Variants in SYNJ2 observed in about 807,000 individuals in gnomAD.
The protein encoded by SYNJ2 is polyphosphatidylinositol phosphatase SYNJ2.
Under a neutral mutation model 141.3 loss-of-function variants are expected in SYNJ2, and 116 were observed. The ratio of observed to expected loss-of-function variants is 0.82; its 90% CI spans 0.71 to 0.96. The LOEUF (loss-of-function observed/expected upper bound fraction) is 0.96, where lower values mean the gene tolerates loss of function less well. Among genes scored for constraint, SYNJ2 ranks in the 40% least tolerant of loss-of-function variants. SYNJ2 has a pLI of 0.00. For synonymous variants in SYNJ2, 745 were observed against 777.7 expected (o/e 0.96, Z 0.70); for missense variants, 1,873 against 1,934.8 (o/e 0.97, Z 0.60).
chr6:158,021,177 T>G (rs569813668), intron 2 of SYNJ2, among the ~76,000 whole-genome samples: 22 of 152,310 alleles, frequency 1.4e-4, no homozygotes, highest in African/African-American at 5.1e-4. Context: ...GGGACTCTAC[T>G]CCTATCCCAG....
intron 1 of SYNJ2, among the ~76,000 whole-genome samples, chr6:158,015,706 G>T (rs1010593510): frequency 1.3e-5 from 2 of 152,070 alleles, no homozygotes; most frequent in African/African-American, 4.8e-5. Flanking sequence ...AATTAAGGTG[G>T]TTAATAGACC....
chr6:158,022,119 C>T (rs950488354), intron 2 of SYNJ2, among the ~76,000 whole-genome samples: 4 of 152,142 alleles, frequency 2.6e-5, no homozygotes, highest in Admixed American at 6.5e-5. Flanking sequence ...CTGCGGGTGG[C>T]GGGGGAGGCT....
At chr6:157,997,028 C>CT (rs1562312926) in intron 1 of SYNJ2, among the ~76,000 whole-genome samples, 1 of 137,800 alleles carries the variant, frequency 7.3e-6, no homozygotes, top group African/African-American at 2.8e-5. Context: ...ACCTACCCCA[C>CT]CCCCCCCCAC....
chr6:158,085,528 G>T (rs1430941026), intron 22 of SYNJ2, among the ~76,000 whole-genome samples: 2 of 152,202 alleles, frequency 1.3e-5, no homozygotes, highest in Admixed American at 1.3e-4. Flanking sequence ...TTGAGCTGGG[G>T]CTGAGAGCAG....
At chr6:158,037,292 CCAT>C (rs35121270) in intron 4 of SYNJ2, among the ~76,000 whole-genome samples, 54,031 of 151,410 alleles carry the variant, frequency 0.36, 9,791 homozygotes, top group Middle Eastern at 0.48. Context: ...AAGCATCTCT[CCAT>C]CATCTCTGCC....
chr6:158,086,702 G>A (rs1421276467), intron 22 of SYNJ2, among the ~76,000 whole-genome samples, 153 bp from the exon 23 acceptor site: 1 of 55,512 alleles, frequency 1.8e-5, no homozygotes, highest in African/African-American at 7.3e-5. Flanking sequence ...CCCGCCCCTC[G>A]CCGGCAGACA....
Position 158,093,746 on chromosome 6 carries a change from G to C in SYNJ2, c.3744+642G>C, listed in dbSNP as rs1384806553. On this transcript the variant is annotated intron_variant, in intron 26 of 26. Coordinates refer to ENST00000355585, the MANE Select transcript of SYNJ2 (RefSeq NM_003898.4). ...CCACATGTTCTGGTACCGCCCATTT[G>C]CGTGTGGTCTGTGTTGTGTGCACAT... The C allele has an allele frequency of 1.6e-5, 10 of 619,224 alleles. No individual in the cohort carries two copies. The Admixed American group carries it at 2.6e-4, about 16-fold the overall frequency. The allele number at this position is 619,224 out of a possible 1,614,324, so 38.4% of individuals were successfully genotyped here. A position where few individuals can be genotyped will look rare whatever the true frequency, so the allele number is the denominator to read the frequency against.
In SYNJ2 at chr6:158,081,318, T is replaced by C; in HGVS notation, c.2777T>C (p.Val926Ala). The change falls in exon 19 of 27, where the codon GTT (valine) becomes GCT (alanine). Residue 926 changes from valine (V) to alanine (A), a missense_variant. Val to Ala is a moderately conservative substitution (Grantham distance 64). Coordinates refer to ENST00000355585, the MANE Select transcript of SYNJ2 (RefSeq NM_003898.4). ...MQTLGSYGTIVLVRINQGQML... is the reference protein window; with the variant it reads ...MQTLGSYGTIALVRINQGQML... ...ACCTTGGGGAGTTATGGGACAATTG[T>C]TCTTGTCAGGTAACTGCTCCCCTGG... 3.1e-6 allele frequency: 5 copies of C among 1,614,096 alleles called. No individual in the cohort carries two copies. Among genetic ancestry groups the C allele is most frequent in the Non-Finnish European group, 4.2e-6 (5 of 1,180,006 alleles).
chr6:158,074,855 C>T, intron 16 of SYNJ2, 117 bp downstream of exon 16: 1 of 1,244,930 alleles, frequency 8.0e-7, no homozygotes, highest in Non-Finnish European at 1.1e-6. Context: ...CTGTTTCCAA[C>T]ATTGTAGAAA....
Position 158,074,809 on chromosome 6 carries a change from C to T in SYNJ2, c.2292+71C>T, listed in dbSNP as rs1331729520. 68 of 1,552,376 alleles carry T rather than the reference C, an allele frequency of 4.4e-5. No individual in the cohort carries two copies. The South Asian group carries it at 7.5e-4, about 17-fold the overall frequency. On this transcript the variant is annotated intron_variant, in intron 16 of 26. Coordinates refer to ENST00000355585, the MANE Select transcript of SYNJ2 (RefSeq NM_003898.4). ...GAATGACATCTGTGAGATGTAGAGG[C>T]TGGTGCAGCAAATTCAGTTCCGTGA...
rs1783084650 is a variant in SYNJ2 at position 158,086,964 on chromosome 6, A to C, written c.3318A>C (p.Gln1106His). 1.2e-5 allele frequency: 10 copies of C among 818,670 alleles called. No individual in the cohort carries two copies. Among genetic ancestry groups the C allele is most frequent in the Admixed American group, 1.9e-5 (1 of 51,678 alleles). The allele number at this position is 818,670 out of a possible 1,614,324, so 50.7% of individuals were successfully genotyped here. ...LSVPNRPRPP[Q>H]PPQRPPPPTG... ...TCCCCAACCGGCCTCGGCCACCTCA[A>C]CCCCCGCAGAGACCCCCCCCTCCAA... The change falls in exon 23 of 27, where the codon CAA (glutamine) becomes CAC (histidine). Residue 1106 changes from glutamine (Q) to histidine (H), a missense_variant. Transcript: ENST00000355585.
intron 16 of SYNJ2, 42 bp from the exon 17 acceptor site, chr6:158,076,584 C>A: frequency 6.3e-7 from 1 of 1,581,554 alleles, no homozygotes; most frequent in South Asian, 1.1e-5. Context: ...CATTCAGGAT[C>A]GAAAACTACG....
chr6:158,088,737 A>C lies in SYNJ2; in HGVS notation c.3421A>C (p.Thr1141Pro). Residue 1141 changes from threonine to proline, a missense_variant, in exon 24 of 27, where the codon ACG becomes CCG. Coordinates refer to ENST00000355585, the MANE Select transcript of SYNJ2 (RefSeq NM_003898.4). ...CCATGGACAGTATTCAATTTTGCAG[A>C]CGGCAAGACTTCTACCAGGAGCACC... ...GTHGQYSILQTARLLPGAPQQ... is the reference protein window; with the variant it reads ...GTHGQYSILQPARLLPGAPQQ... The C allele has an allele frequency of 6.2e-7, 1 of 1,614,046 alleles. No individual in the cohort carries two copies. Among genetic ancestry groups the C allele is most frequent in the Non-Finnish European group, 8.5e-7 (1 of 1,179,980 alleles).
chr6:158,004,412 T>C (rs1489789392), intron 1 of SYNJ2, among the ~76,000 whole-genome samples: 1 of 152,200 alleles, frequency 6.6e-6, no homozygotes, highest in Non-Finnish European at 1.5e-5. Context: ...CTAATTATAA[T>C]GTATTAGCAT....
At position 158,028,772 on chromosome 6, in the gene SYNJ2, C is replaced by G. The variant is rs773139248; in HGVS notation, c.231C>G (p.Ser77Arg). ...LRLKSGGTSL[S>R]FLVLVTGCTS... ...CCTTTCCAGGTGGCACGTCTCTGAGCTTCCTGGTGTTGGTGACAGGCTGCA... is the reference window on the plus strand; with the variant it reads ...CCTTTCCAGGTGGCACGTCTCTGAGGTTCCTGGTGTTGGTGACAGGCTGCA... Residue 77 changes from serine to arginine, a missense_variant, in exon 3 of 27, where the codon AGC becomes AGG. Transcript: ENST00000355585. 3.1e-6 allele frequency: 5 copies of G among 1,613,994 alleles called. No homozygotes were observed. In the East Asian group the frequency reaches 1.1e-4, roughly 36 times the overall value.
intron 1 of SYNJ2, among the ~76,000 whole-genome samples, chr6:158,002,759 A>T (rs1424934319): frequency 1.3e-5 from 2 of 152,240 alleles, no homozygotes; most frequent in African/African-American, 4.8e-5. Context: ...TACCAGGCCC[A>T]GTGAAAACAC....
intron 21 of SYNJ2, 75 bp from the exon 22 acceptor site, chr6:158,083,926 A>G: frequency 6.5e-7 from 1 of 1,537,374 alleles, no homozygotes. Context: ...GAGCTGAACC[A>G]GTCCCACTGA....
In SYNJ2 at chr6:158,069,649, G is replaced by A. The variant is rs772055760; in HGVS notation, c.1916G>A (p.Arg639His). 1.2e-6 allele frequency: 2 copies of A among 1,613,322 alleles called. No individual in the cohort carries two copies. The highest frequency in any genetic ancestry group is 1.3e-5 in the African/African-American group (1 of 74,978). ...GGCGTCTGTCTTTATATCTTTGTAC[G>A]TCCATACCATGTCCCGTTCATCAGG... is the stretch of plus-strand genomic sequence containing the variant. ...LVGVCLYIFV[R>H]PYHVPFIRDV... The change falls in exon 14 of 27, where the codon CGT (arginine) becomes CAT (histidine). Residue 639 changes from arginine (R) to histidine (H), a missense_variant. Transcript: ENST00000355585.
At chr6:158,075,939 A>T (rs141145065) in intron 16 of SYNJ2, among the ~76,000 whole-genome samples, 1 of 117,916 alleles carries the variant, frequency 8.5e-6, no homozygotes, top group African/African-American at 3.4e-5. Context: ...AAGGATGTGC[A>T]TGGGGGCTCA....
Sources: gnomAD v4.1 joint callset for allele counts (sites outside exome capture counted in the v4.1 genomes callset) on GRCh38, gnomAD v4.1.1 for gene constraint, MANE v1.5 for transcripts, NCBI Gene and HGNC (gene_info 2026-07-23, HGNC 2026-07-21) for gene names.